Variants in ABITRAM observed in about 807,000 individuals in gnomAD.
ABITRAM encodes actin binding transcription modulator.
In ABITRAM, 19 loss-of-function variants were observed where a neutral mutation model predicts 22.9. The ratio of observed to expected loss-of-function variants is 0.83; its 90% CI spans 0.58 to 1.22. The LOEUF is 1.22. Ranked by LOEUF, ABITRAM falls within the 50% of genes most tolerant of loss-of-function variation. ABITRAM has a pLI of 0.00. For missense variants in ABITRAM, 215 were observed against 220.2 expected, an observed-to-expected ratio of 0.98 and a Z score of 0.15; for synonymous variants, 70 against 73.9, an observed-to-expected ratio of 0.95 and a Z score of 0.27.
In ABITRAM at chr9:108,935,621, CTCA is replaced by C; in HGVS notation, c.80-15_80-13del. The C allele has an allele frequency of 2.5e-6, 4 of 1,603,422 alleles. No individual in the cohort carries two copies. Among genetic ancestry groups the C allele is most frequent in the Non-Finnish European group, 3.4e-6 (4 of 1,170,456 alleles). ...AATATTGATTTCAGCCACCAACAGA[CTCA>C]TGTATTCTTCTAGATGTCAAAGGAA... is the stretch of plus-strand genomic sequence containing the variant. On this transcript the variant is annotated splice_polypyrimidine_tract_variant and intron_variant, in intron 1 of 5. Transcript: ENST00000322940.
chr9:108,946,569 T>A (rs1587940469), intron 3 of ABITRAM, among the ~76,000 whole-genome samples: 1 of 152,194 alleles, frequency 6.6e-6, no homozygotes, highest in African/African-American at 2.4e-5. Flanking sequence ...ATCACCTCTG[T>A]ATTCTAGTCG....
intron 1 of ABITRAM, 65 bp downstream of exon 1, chr9:108,934,630 G>T: frequency 6.8e-7 from 1 of 1,462,328 alleles, no homozygotes; most frequent in South Asian, 1.3e-5. Flanking sequence ...AGACTATGTT[G>T]ACAGATCATA....
downstream of ABITRAM, among the ~76,000 whole-genome samples, chr9:108,941,642 G>A (rs549283445): frequency 3.3e-5 from 5 of 152,174 alleles, no homozygotes; most frequent in South Asian, 2.1e-4. Flanking sequence ...TGGTTCTTCC[G>A]GATCTTTTGT....
chr9:108,944,945 A>G (rs985897836), downstream of ABITRAM, among the ~76,000 whole-genome samples: 1 of 152,222 alleles, frequency 6.6e-6, no homozygotes, highest in African/African-American at 2.4e-5. Flanking sequence ...AGTAAGCTTT[A>G]CATCTAGACT....
At chr9:108,950,366 G>T (rs1830525157) in intron 3 of ABITRAM, 6 of 898,150 alleles carry the variant, frequency 6.7e-6, no homozygotes, top group Non-Finnish European at 9.7e-6. Context: ...GGATAAGCTT[G>T]CTAACAACAG....
chr9:108,948,660 T>C (rs1830473115), intron 3 of ABITRAM, among the ~76,000 whole-genome samples: 1 of 152,242 alleles, frequency 6.6e-6, no homozygotes, highest in African/African-American at 2.4e-5. Context: ...CTCAGTTATC[T>C]AACCTTGATG....
At chr9:108,944,865 T>TGGATAAAA (rs1431732644), downstream of ABITRAM, among the ~76,000 whole-genome samples, 13 of 152,320 alleles carry the variant, frequency 8.5e-5, no homozygotes, top group East Asian at 2.5e-3. Flanking sequence ...GCTTAACACC[T>TGGATAAAA]TGCTATCACT....
At chr9:108,934,848 C>T (rs1339928660) in intron 1 of ABITRAM, among the ~76,000 whole-genome samples, 3 of 152,046 alleles carry the variant, frequency 2.0e-5, no homozygotes, top group African/African-American at 7.2e-5. Context: ...CAAAGGTAGG[C>T]GGAGGGCTAG....
intron 3 of ABITRAM, among the ~76,000 whole-genome samples, chr9:108,946,660 T>C (rs1830412560): frequency 6.6e-6 from 1 of 152,244 alleles, no homozygotes; most frequent in Admixed American, 6.5e-5. Context: ...CATTAGAACA[T>C]AAGCTCTATG....
chr9:108,950,065 C>G (rs1449303550), intron 3 of ABITRAM, among the ~76,000 whole-genome samples: 1 of 151,614 alleles, frequency 6.6e-6, no homozygotes, highest in Non-Finnish European at 1.5e-5. Flanking sequence ...ATTGATGAAC[C>G]CTTCATTTGG....
In ABITRAM at chr9:108,934,406, C is replaced by T. The variant is rs1587932621; in HGVS notation, c.-81C>T. The T allele has an allele frequency of 2.4e-6, 3 of 1,249,800 alleles. No homozygotes were observed. Among genetic ancestry groups the T allele is most frequent in the East Asian group, 2.8e-5 (1 of 35,098 alleles). The allele number at this position is 1,249,800 out of a possible 1,614,324, so 77.4% of individuals were successfully genotyped here. On this transcript the variant is annotated 5_prime_UTR_variant, in exon 1 of 6. Coordinates refer to ENST00000322940, the MANE Select transcript of ABITRAM (RefSeq NM_017832.4). ...CGTGCGCACGACACGCGCTGTGCGC[C>T]GGAAGAGCACGCCCAGTCCGGGCTG... is the stretch of plus-strand genomic sequence containing the variant.
chr9:108,936,823 GTAAAT>G (rs1830194276), intron 3 of ABITRAM, among the ~76,000 whole-genome samples: 1 of 151,374 alleles, frequency 6.6e-6, no homozygotes, highest in Admixed American at 6.6e-5. Context: ...ATTTCCACAT[GTAAAT>G]TAAACAGAAA....
At position 108,934,431 on chromosome 9, in the gene ABITRAM, G is replaced by C; in HGVS notation, c.-56G>C. 1 of 1,495,126 alleles carries C rather than the reference G, an allele frequency of 6.7e-7. No homozygotes were observed. The allele number at this position is 1,495,126 out of a possible 1,614,324, so 92.6% of individuals were successfully genotyped here. A position where few individuals can be genotyped will look rare whatever the true frequency, so the allele number is the denominator to read the frequency against. On this transcript the variant is annotated 5_prime_UTR_variant, in exon 1 of 6. Coordinates refer to ENST00000322940, the MANE Select transcript of ABITRAM (RefSeq NM_017832.4). ...CGGAAGAGCACGCCCAGTCCGGGCT[G>C]CGCGGAGGAAGCGCTGGGGTCCCGG...
intron 3 of ABITRAM, chr9:108,948,166 A>G: frequency 6.2e-7 from 1 of 1,609,672 alleles, no homozygotes; most frequent in East Asian, 2.2e-5. Context: ...GTACTAGCAT[A>G]AAACGGAAAC....
chr9:108,939,256 G>A lies in ABITRAM; in HGVS notation c.322G>A (p.Glu108Lys), dbSNP rs755058896. ...LCKIYCSDGE[E>K]YTVSSCVRGR... ...TAAGATTTACTGCTCAGATGGTGAA[G>A]AATATACTGTGTCTAGGTGAGTAAC... is the stretch of plus-strand genomic sequence containing the variant. Residue 108 changes from glutamate (E) to lysine (K), a missense_variant, in exon 4 of 6, where the codon GAA (glutamate) becomes AAA (lysine). Coordinates refer to ENST00000322940, the MANE Select transcript of ABITRAM (RefSeq NM_017832.4). The A allele has an allele frequency of 1.3e-5, 21 of 1,613,960 alleles. No homozygotes were observed. Among genetic ancestry groups the A allele is most frequent in the Non-Finnish European group, 1.6e-5 (19 of 1,179,938 alleles).
chr9:108,949,029 A>C (rs1396801369), intron 3 of ABITRAM, among the ~76,000 whole-genome samples: 1 of 152,204 alleles, frequency 6.6e-6, no homozygotes, highest in African/African-American at 2.4e-5. Flanking sequence ...GAAAAACTAT[A>C]AGGCACTAGA....
chr9:108,950,124 GT>G (rs1406115946), intron 3 of ABITRAM, among the ~76,000 whole-genome samples: 4 of 151,440 alleles, frequency 2.6e-5, no homozygotes, highest in African/African-American at 9.7e-5. Context: ...ATTCCCCCAA[GT>G]CTTATTAGTC....
intron 3 of ABITRAM, among the ~76,000 whole-genome samples, chr9:108,938,459 C>T (rs62575184): frequency 6.6e-6 from 1 of 152,116 alleles, no homozygotes; most frequent in Non-Finnish European, 1.5e-5. Flanking sequence ...CCTGTAGATA[C>T]TTGTGAGAGC....
At chr9:108,937,089 G>A (rs1327375067) in intron 3 of ABITRAM, among the ~76,000 whole-genome samples, 3 of 152,168 alleles carry the variant, frequency 2.0e-5, no homozygotes, top group Non-Finnish European at 4.4e-5. Flanking sequence ...GAACCTGGGA[G>A]GCGGAGGTTG....
Sources: gnomAD v4.1 joint callset for allele counts (sites outside exome capture counted in the v4.1 genomes callset) on GRCh38, gnomAD v4.1.1 for gene constraint, MANE v1.5 for transcripts, NCBI Gene and HGNC (gene_info 2026-07-23, HGNC 2026-07-21) for gene names.